The following CIZ1 variants were observed in gnomAD, a reference collection of about 807,000 sequenced individuals.
CIZ1 encodes CDKN1A interacting zinc finger protein 1.
A neutral mutation model predicts 118.6 loss-of-function variants in CIZ1; 58 were observed. The ratio of observed to expected loss-of-function variants is 0.49; its 90% CI spans 0.40 to 0.61. CIZ1 has a LOEUF of 0.61. Among genes scored for constraint, CIZ1 ranks in the 20% least tolerant of loss-of-function variants. The pLI is 0.00. For synonymous variants in CIZ1, 448 were observed against 443.4 expected (o/e 1.01, Z -0.13); for missense variants, 921 against 1,115.9 (o/e 0.83, Z 2.49).
At chr9:128,198,715 C>T (rs1309154324) in intron 1 of CIZ1, among the ~76,000 whole-genome samples, 5 of 152,080 alleles carry the variant, frequency 3.3e-5, no homozygotes, top group East Asian at 3.9e-4. Context: ...GCCTGTCGTT[C>T]CAGCTACTTG....
At position 128,180,795 on chromosome 9, in the gene CIZ1, A is replaced by T; in HGVS notation, c.608T>A (p.Met203Lys). The change falls in exon 6 of 17, where the codon ATG becomes AAG. Residue 203 changes from methionine to lysine, a missense_variant. Transcript: ENST00000372938. Reference protein sequence around the residue: ...PNRKDSSSQTMPVEDKSDPPE... With the variant: ...PNRKDSSSQTKPVEDKSDPPE... ...GGGGTCTGACTTGTCTTCCACAGGC[A>T]TTGTCTGAGAAGAAGAATCCTGCTT... is the stretch of plus-strand genomic sequence containing the variant. 6.2e-7 allele frequency: 1 copy of T among 1,611,298 alleles called. No individual in the cohort carries two copies. The highest frequency in any genetic ancestry group is 8.5e-7 in the Non-Finnish European group (1 of 1,179,112).
intron 5 of CIZ1, among the ~76,000 whole-genome samples, chr9:128,182,319 G>C (rs1167299123): frequency 1.3e-5 from 2 of 152,158 alleles, no homozygotes. Context: ...CGCACACAGG[G>C]AGAGACGCAC....
At chr9:128,200,135 G>A (rs1370217700) in intron 1 of CIZ1, 2 of 151,862 alleles carry the variant, frequency 1.3e-5, no homozygotes, top group Admixed American at 6.6e-5. Context: ...CAGGCTGCTG[G>A]CCTGGCATCA....
chr9:128,183,086 C>A (rs1289314025), intron 5 of CIZ1, among the ~76,000 whole-genome samples: 1 of 152,194 alleles, frequency 6.6e-6, no homozygotes, highest in Non-Finnish European at 1.5e-5. Flanking sequence ...GAACACACAG[C>A]TCTCTCTGGC....
upstream of CIZ1, among the ~76,000 whole-genome samples, chr9:128,196,427 A>G (rs1833378909): frequency 6.6e-6 from 1 of 151,964 alleles, no homozygotes; most frequent in Non-Finnish European, 1.5e-5. Context: ...GTGTGCCTGT[A>G]GTCTCAGCTA....
chr9:128,191,991 G>C (rs542502546), upstream of CIZ1: 252 of 1,239,330 alleles, frequency 2.0e-4, 5 homozygotes, highest in South Asian at 4.4e-3. This position sits in a 1 kb window ranked among gnomAD's most constrained non-coding sequence, Gnocchi z 5.5. Flanking sequence ...CTTACAGTCC[G>C]TCAGGAGTTT....
At chr9:128,170,651 A>T (rs1830016807) in intron 11 of CIZ1, among the ~76,000 whole-genome samples, 1 of 152,078 alleles carries the variant, frequency 6.6e-6, no homozygotes, top group African/African-American at 2.4e-5. Context: ...TGAGACCCCC[A>T]TCTCAAAAAA....
chr9:128,197,218 G>A (rs1833397984), intron 1 of CIZ1: 1 of 152,234 alleles, frequency 6.6e-6, no homozygotes, highest in Admixed American at 6.5e-5. Flanking sequence ...AATGATGAAT[G>A]AATGAATGGA....
In CIZ1 at chr9:128,190,461, G is replaced by A. The variant is rs1224388954; in HGVS notation, c.171-17C>T. 1.9e-6 allele frequency: 3 copies of A among 1,569,340 alleles called. No individual in the cohort carries two copies. The highest frequency in any genetic ancestry group is 2.3e-5 in the East Asian group (1 of 44,196). The stretch of plus-strand genomic sequence containing the variant: ...GGGAGCCCCCTGTGTGTTGGGAGGG[G>A]GTGTCAGAGGGTTATTTGGAAAGTC... On this transcript the variant is annotated splice_polypyrimidine_tract_variant and intron_variant, in intron 2 of 16. Transcript: ENST00000372938.
chr9:128,183,344 G>A (rs1831926161), intron 5 of CIZ1, among the ~76,000 whole-genome samples: 1 of 152,182 alleles, frequency 6.6e-6, no homozygotes, highest in African/African-American at 2.4e-5. Context: ...CTCTAAGCCT[G>A]GGTTTTTCCA....
intron 3 of CIZ1, among the ~76,000 whole-genome samples, chr9:128,189,824 CAAAAAAAAAAAAAAAAAA>C (rs56177059): frequency 2.4e-4 from 10 of 42,248 alleles, no homozygotes; most frequent in East Asian, 2.3e-3. Context: ...AACTCTGTCT[CAAAAAAAAAAAAAAAAAA>C]AAAAAAAAAA....
chr9:128,193,802 C>T (rs1157472420), upstream of CIZ1, among the ~76,000 whole-genome samples: 1 of 152,186 alleles, frequency 6.6e-6, no homozygotes, highest in Non-Finnish European at 1.5e-5. Flanking sequence ...AGGATTGAAT[C>T]GTGACTCCCC....
In CIZ1 at chr9:128,190,822, TTGCTGGAGCTGCTGCTGCTGC is replaced by T. The variant is rs1564301572; in HGVS notation, c.15_35del (p.Gln13_Gln19del). ...GTAACTGCTGGAGCTGCTGCTGCTGTTGCTGGAGCTGCTGCTGCTGCTGCTGGCTGAACATGGTGGCTAGGG... is the reference window on the plus strand; with the variant it reads ...GTAACTGCTGGAGCTGCTGCTGCTGTTGCTGGCTGAACATGGTGGCTAGGG... On this transcript the variant is annotated inframe_deletion, in exon 2 of 17. Transcript: ENST00000372938. 7.8e-6 allele frequency: 12 copies of T among 1,537,686 alleles called. No individual in the cohort carries two copies. Among genetic ancestry groups the T allele is most frequent in the African/African-American group, 2.7e-5 (2 of 72,920 alleles).
At position 128,177,774 on chromosome 9, in the gene CIZ1, A is replaced by G. The variant is rs907933848; in HGVS notation, c.1621-11T>C. ...CCCGGCGCCCCATACCTGCATGGGGAGTAGGAACTGAACTTCCATCAACTG... is the reference window on the plus strand; with the variant it reads ...CCCGGCGCCCCATACCTGCATGGGGGGTAGGAACTGAACTTCCATCAACTG... On this transcript the variant is annotated splice_polypyrimidine_tract_variant and intron_variant, in intron 9 of 16. Transcript: ENST00000372938. 1.3e-6 allele frequency: 2 copies of G among 1,563,052 alleles called. No individual in the cohort carries two copies. Among genetic ancestry groups the G allele is most frequent in the Non-Finnish European group, 8.7e-7 (1 of 1,152,000 alleles).
intron 11 of CIZ1, among the ~76,000 whole-genome samples, chr9:128,171,609 C>T (rs888629997): frequency 4.7e-5 from 7 of 150,386 alleles, no homozygotes; most frequent in East Asian, 2.0e-4. Context: ...TGGTGGCACG[C>T]GCCTGTAATC....
intron 5 of CIZ1, 70 bp from the exon 6 acceptor site, chr9:128,180,884 G>T: frequency 1.7e-6 from 2 of 1,146,426 alleles, no homozygotes; most frequent in Non-Finnish European, 1.3e-6. Flanking sequence ...CCCAAGGGCA[G>T]CTGCCCCCCA....
chr9:128,167,914 C>T (rs927958907), intron 14 of CIZ1, among the ~76,000 whole-genome samples: 3 of 152,168 alleles, frequency 2.0e-5, no homozygotes, highest in African/African-American at 4.8e-5. Flanking sequence ...TACTTCTGAG[C>T]AGAGGCAACT....
chr9:128,190,432 C>T lies in CIZ1; in HGVS notation c.183G>A (p.Pro61=). ...TCAGAAGCGGCTGCTGTGGCTGCTG[C>T]GGGGGGAGCCCCCTGTGTGTTGGGA... The part of the protein sequence containing the change: ...LPMAVSRGLP[P]QQPQQPLLNL... The change falls in exon 3 of 17, where the codon CCG becomes CCA. Residue 61 remains proline, a synonymous_variant. Coordinates refer to ENST00000372938, the MANE Select transcript of CIZ1 (RefSeq NM_001131016.2). 2 of 1,612,354 alleles carry T rather than the reference C, an allele frequency of 1.2e-6. No individual in the cohort carries two copies. Among genetic ancestry groups the T allele is most frequent in the Non-Finnish European group, 8.5e-7 (1 of 1,179,088 alleles).
intron 4 of CIZ1, among the ~76,000 whole-genome samples, chr9:128,186,794 TG>T (rs1273916447): frequency 6.6e-6 from 1 of 152,128 alleles, no homozygotes; most frequent in African/African-American, 2.4e-5. Flanking sequence ...CTGTTCCCTC[TG>T]CCTGGGCTGT....
Sources: gnomAD v4.1 joint callset for allele counts (sites outside exome capture counted in the v4.1 genomes callset) on GRCh38, gnomAD v4.1.1 for gene constraint, Gnocchi (gnomAD v3.1) non-coding constraint, MANE v1.5 for transcripts, NCBI Gene and HGNC (gene_info 2026-07-23, HGNC 2026-07-21) for gene names.